Variants in MAST2 observed in about 807,000 individuals in gnomAD.
MAST2 encodes microtubule-associated serine/threonine-protein kinase 2.
A neutral mutation model predicts 147.4 loss-of-function variants in MAST2; 70 were observed. The observed-to-expected ratio is 0.47, with a 90% confidence interval of 0.39 to 0.58. MAST2 has a LOEUF of 0.58. Ranked by LOEUF, MAST2 falls within the 20% of genes least tolerant of loss-of-function variation. The pLI is 0.00. For missense variants in MAST2, 2,080 were observed against 2,302.3 expected, an observed-to-expected ratio of 0.90 and a Z score of 1.98; for synonymous variants, 869 against 896.8, an observed-to-expected ratio of 0.97 and a Z score of 0.55.
At position 46,030,594 on chromosome 1, in the gene MAST2, CCT is replaced by C; in HGVS notation, c.2554-12_2554-11del. On this transcript the variant is annotated splice_polypyrimidine_tract_variant and intron_variant, in intron 21 of 28. Coordinates refer to ENST00000361297, the MANE Select transcript of MAST2 (RefSeq NM_015112.3). ...GCCAGAGCCCATCCCCAGCGCATCCCCTGTGCCCACAGGTGTACAGCAGCATG... is the reference window on the plus strand; with the variant it reads ...GCCAGAGCCCATCCCCAGCGCATCCCGTGCCCACAGGTGTACAGCAGCATG... 8 of 1,596,798 alleles carry C rather than the reference CCT, an allele frequency of 5.0e-6. No individual in the cohort carries two copies. The highest frequency in any genetic ancestry group is 1.1e-5 in the South Asian group (1 of 88,054).
Position 46,035,813 on chromosome 1 carries a change from ATCCATCTTATGAGGAT to A in MAST2, c.5145_5160del (p.Ser1717AlafsTer14). 6.2e-7 allele frequency: 1 copy of A among 1,614,116 alleles called. No homozygotes were observed. Among genetic ancestry groups the A allele is most frequent in the Non-Finnish European group, 8.5e-7 (1 of 1,180,026 alleles). ...CCACCTAGTGCCCCCAGACTGGCCC[ATCCATCTTATGAGGAT>A]CCCAGCCAGGGCTGGCTATGGGAGT... On this transcript the variant is annotated frameshift_variant, in exon 29 of 29. Transcript: ENST00000361297. LOFTEE classifies it low-confidence loss of function (END_TRUNC). The surrounding 1 kb of genome is among the most constrained non-coding windows in gnomAD (Gnocchi z 5.5).
chr1:45,994,667 G>A (rs1379333479), intron 5 of MAST2, among the ~76,000 whole-genome samples: 14 of 151,976 alleles, frequency 9.2e-5, no homozygotes, highest in African/African-American at 3.4e-4. Context: ...TATCATTAGC[G>A]TAAAGTATCA....
intron 1 of MAST2, among the ~76,000 whole-genome samples, chr1:45,805,761 C>T (rs1002836806): frequency 2.0e-5 from 3 of 152,174 alleles, no homozygotes; most frequent in African/African-American, 7.2e-5. Flanking sequence ...TCCTTGATTT[C>T]ATCCTCTTTT....
At chr1:45,945,921 T>A (rs1296918827) in intron 4 of MAST2, among the ~76,000 whole-genome samples, 1 of 152,202 alleles carries the variant, frequency 6.6e-6, no homozygotes, top group East Asian at 1.9e-4. Context: ...GGCCCATGTT[T>A]GTGGATGGCC....
intron 4 of MAST2, among the ~76,000 whole-genome samples, chr1:45,947,046 T>G (rs557385594): frequency 6.6e-6 from 1 of 152,250 alleles, no homozygotes; most frequent in East Asian, 1.9e-4. Context: ...CAAAGAAAAT[T>G]CAAGTTAGAT....
At chr1:45,830,512 G>A (rs1644924520) in intron 3 of MAST2, among the ~76,000 whole-genome samples, 1 of 152,120 alleles carries the variant, frequency 6.6e-6, no homozygotes, top group Non-Finnish European at 1.5e-5. Context: ...TGCTGTCAGT[G>A]TCACTGGTAC....
At chr1:45,831,810 C>T (rs912369569) in intron 3 of MAST2, among the ~76,000 whole-genome samples, 6 of 148,100 alleles carry the variant, frequency 4.1e-5, no homozygotes, top group Non-Finnish European at 5.9e-5. Flanking sequence ...GCCTGAGTCT[C>T]GCTCTGTCAC....
chr1:45,906,992 T>C (rs1557891021), intron 4 of MAST2, among the ~76,000 whole-genome samples: 1 of 152,224 alleles, frequency 6.6e-6, no homozygotes. Flanking sequence ...TAACATGCTA[T>C]ACAGGTTTGC....
At chr1:45,935,896 T>G (rs1656117827) in intron 4 of MAST2, among the ~76,000 whole-genome samples, 3 of 152,240 alleles carry the variant, frequency 2.0e-5, no homozygotes, top group African/African-American at 7.2e-5. Flanking sequence ...TGGTCCCATA[T>G]GATTTTTAGA....
intron 4 of MAST2, among the ~76,000 whole-genome samples, chr1:45,957,387 C>T (rs532346201): frequency 1.4e-4 from 22 of 152,294 alleles, no homozygotes; most frequent in Admixed American, 1.2e-3. Flanking sequence ...CTATTTTATC[C>T]AGTCTGACAA....
At chr1:45,872,000 A>G (rs1646411978) in intron 3 of MAST2, among the ~76,000 whole-genome samples, 1 of 152,184 alleles carries the variant, frequency 6.6e-6, no homozygotes, top group Non-Finnish European at 1.5e-5. Flanking sequence ...AAGTGTTGGG[A>G]TTACAGGCGT....
At chr1:45,832,544 T>C (rs148781624) in intron 3 of MAST2, among the ~76,000 whole-genome samples, 2 of 152,198 alleles carry the variant, frequency 1.3e-5, no homozygotes, top group East Asian at 3.8e-4. Context: ...TCCACCGGCC[T>C]TGGCCTCCCT....
chr1:45,846,321 A>G (rs1452866716), intron 3 of MAST2, among the ~76,000 whole-genome samples: 1 of 152,224 alleles, frequency 6.6e-6, no homozygotes, highest in Non-Finnish European at 1.5e-5. Context: ...AGTGACAGGA[A>G]TCTTTTAGGA....
intron 1 of MAST2, among the ~76,000 whole-genome samples, chr1:45,813,496 AT>A (rs34566447): frequency 0.021 from 2,786 of 134,586 alleles, 42 homozygotes; most frequent in African/African-American, 0.028. Flanking sequence ...CGCCTGGCCA[AT>A]TTTTTTTTTT....
At chr1:46,018,620 T>C (rs981733254) in intron 10 of MAST2, among the ~76,000 whole-genome samples, 1 of 152,180 alleles carries the variant, frequency 6.6e-6, no homozygotes, top group Non-Finnish European at 1.5e-5. Flanking sequence ...ATGGTAGGTA[T>C]GCATCTCTTT....
chr1:45,825,945 T>C (rs1229334294), intron 2 of MAST2, among the ~76,000 whole-genome samples: 1 of 151,828 alleles, frequency 6.6e-6, no homozygotes, highest in Admixed American at 6.6e-5. Context: ...GGCATGGTGA[T>C]ATGTGTCTGT....
chr1:45,930,965 C>G (rs1383797053), intron 4 of MAST2, among the ~76,000 whole-genome samples: 1 of 152,188 alleles, frequency 6.6e-6, no homozygotes, highest in Non-Finnish European at 1.5e-5. Context: ...GAATTAGCTC[C>G]TGATATGTTA....
intron 16 of MAST2, among the ~76,000 whole-genome samples, chr1:46,027,355 C>T (rs988570405): frequency 1.3e-5 from 2 of 152,166 alleles, no homozygotes; most frequent in African/African-American, 4.8e-5. Context: ...TTATGGGCCA[C>T]TCAGATTGGG....
intron 5 of MAST2, among the ~76,000 whole-genome samples, chr1:45,970,780 G>A (rs1208104230): frequency 6.8e-6 from 1 of 146,576 alleles, no homozygotes; most frequent in Non-Finnish European, 1.5e-5. Flanking sequence ...ATGTCACTTC[G>A]CTGACAGACT....
Sources: gnomAD v4.1 joint callset for allele counts (sites outside exome capture counted in the v4.1 genomes callset) on GRCh38, gnomAD v4.1.1 for gene constraint, Gnocchi (gnomAD v3.1) non-coding constraint, MANE v1.5 for transcripts, NCBI Gene and HGNC (gene_info 2026-07-23, HGNC 2026-07-21) for gene names.